Variants in GNB5 observed in about 807,000 individuals in gnomAD.
GNB5 encodes the protein guanine nucleotide-binding protein subunit beta-5.
GNB5 carries 37 observed loss-of-function variants against 55.3 expected under a neutral mutation model. The observed-to-expected ratio is 0.67, with a 90% confidence interval of 0.51 to 0.88. GNB5 has a LOEUF of 0.88. Ranked by LOEUF, GNB5 falls within the 40% of genes least tolerant of loss-of-function variation. The probability of loss-of-function intolerance (pLI) is 0.00; values close to 1 mark genes in which losing one functional copy is unlikely to be tolerated. For synonymous variants in GNB5, 219 were observed against 198.5 expected (o/e 1.10, Z -0.87); for missense variants, 476 against 515.3 (o/e 0.92, Z 0.74).
chr15:52,180,715 G>A (rs1039568653), intron 2 of GNB5: 2 of 152,320 alleles, frequency 1.3e-5, no homozygotes, highest in East Asian at 3.9e-4. Context: ...AGTTCTGCCA[G>A]GATGCACGTT....
intron 3 of GNB5, among the ~76,000 whole-genome samples, chr15:52,163,385 A>G (rs963904011): frequency 1.3e-5 from 2 of 152,206 alleles, no homozygotes; most frequent in African/African-American, 2.4e-5. Context: ...ACCGTCGTTC[A>G]GCGGGCCCCA....
At chr15:52,184,141 G>A (rs780226398) in intron 2 of GNB5, among the ~76,000 whole-genome samples, 9 of 152,120 alleles carry the variant, frequency 5.9e-5, no homozygotes, top group Non-Finnish European at 8.8e-5. Flanking sequence ...GAAGTCAGAA[G>A]AAAAAAGTAT....
rs112657560 is a variant in GNB5 at position 52,133,422 on chromosome 15, G to A, written c.819C>T (p.Cys273=). 96 of 1,612,966 alleles carry A rather than the reference G, an allele frequency of 6.0e-5. No individual in the cohort carries two copies. Among genetic ancestry groups the A allele is most frequent in the Non-Finnish European group, 7.2e-5 (85 of 1,178,904 alleles). ...ATTCATGTGTTTCAAAGGCCTGCAC[G>A]CACTGGCCGGAGCGCATGTCCCACA... is the stretch of plus-strand genomic sequence containing the variant. ...AMVWDMRSGQ[C]VQAFETHESD... Residue 273 remains cysteine (C), a synonymous_variant, in exon 9 of 13, where the codon TGC becomes TGT. Coordinates refer to ENST00000261837, the MANE Select transcript of GNB5 (RefSeq NM_016194.4).
In GNB5 at chr15:52,117,102, A is replaced by ATATATATATATTTTTTTTTTTTTTTT; in HGVS notation, c.*5654_*5655insAAAAAAAAAAAAAAAATATATATATA. The ATATATATATATTTTTTTTTTTTTTTT allele has an allele frequency of 2.3e-5, 2 of 87,100 alleles. No individual in the cohort carries two copies. The highest frequency in any genetic ancestry group is 1.2e-4 in the African/African-American group (2 of 16,446). The allele number at this position is 87,100 out of a possible 1,614,324, so 5.4% of individuals were successfully genotyped here. A position where few individuals can be genotyped will look rare whatever the true frequency, so the allele number is the denominator to read the frequency against. ...CCACGCCCAGCTAATATATATATAT[A>ATATATATATATTTTTTTTTTTTTTTT]TTTTTTTTTAGTACAGACAGGGTTT... On this transcript the variant is annotated 3_prime_UTR_variant, in exon 13 of 13. Coordinates refer to ENST00000261837, the MANE Select transcript of GNB5 (RefSeq NM_016194.4).
chr15:52,188,165 A>T (rs2034871844), intron 1 of GNB5, among the ~76,000 whole-genome samples: 1 of 152,170 alleles, frequency 6.6e-6, no homozygotes, highest in Non-Finnish European at 1.5e-5. Flanking sequence ...TTTCATCTTC[A>T]CGTCATTGCA....
In GNB5 at chr15:52,117,111, T is replaced by TTTTTTTTTTTTTTTTTTGG. The variant is rs2033164122; in HGVS notation, c.*5645_*5646insCCAAAAAAAAAAAAAAAAA. On this transcript the variant is annotated 3_prime_UTR_variant, in exon 13 of 13. Coordinates refer to ENST00000261837, the MANE Select transcript of GNB5 (RefSeq NM_016194.4). Reference sequence around the variant, plus strand: ...GCTAATATATATATATATTTTTTTTTAGTACAGACAGGGTTTCACCGTGTT... The same window carrying TTTTTTTTTTTTTTTTTTGG: ...GCTAATATATATATATATTTTTTTTTTTTTTTTTTTTTTTTTTGGAGTACAGACAGGGTTTCACCGTGTT... The TTTTTTTTTTTTTTTTTTGG allele has an allele frequency of 7.5e-6, 1 of 133,888 alleles. No homozygotes were observed. Among genetic ancestry groups the TTTTTTTTTTTTTTTTTTGG allele is most frequent in the African/African-American group, 3.0e-5 (1 of 32,882 alleles). The allele number at this position is 133,888 out of a possible 1,614,324, so 8.3% of individuals were successfully genotyped here. A position where few individuals can be genotyped will look rare whatever the true frequency, so the allele number is the denominator to read the frequency against.
chr15:52,167,955 C>G (rs564483870), intron 3 of GNB5, among the ~76,000 whole-genome samples: 10 of 152,232 alleles, frequency 6.6e-5, no homozygotes, highest in African/African-American at 2.4e-4. Context: ...ATTCAACATC[C>G]CTTCATGTTA....
rs747516031 is a variant in GNB5 at position 52,135,742 on chromosome 15, G to A, written c.642C>T (p.Ser214=). The A allele has an allele frequency of 5.0e-6, 8 of 1,612,134 alleles. No individual in the cohort carries two copies. In the African/African-American group the frequency reaches 5.4e-5, roughly 11 times the overall value. The change falls in exon 8 of 13, where the codon AGC becomes AGT. Residue 214 remains serine, a synonymous_variant. Transcript: ENST00000261837. ...TNSDMQILTA[S]GDGTCALWDV... ...CCCACAGGGCACATGTGCCATCGCC[G>A]CTCGCTGTCAGGATCTGCCCGCAGA...
intron 3 of GNB5, among the ~76,000 whole-genome samples, chr15:52,157,876 T>A (rs894120788): frequency 6.7e-6 from 1 of 150,368 alleles, no homozygotes; most frequent in African/African-American, 2.4e-5. Flanking sequence ...AAACAAATTT[T>A]AAAAATTAAA....
intron 3 of GNB5, among the ~76,000 whole-genome samples, chr15:52,171,809 A>G (rs932623867): frequency 1.3e-5 from 2 of 152,266 alleles, no homozygotes; most frequent in African/African-American, 4.8e-5. Context: ...ATTCAATAAT[A>G]AAACTTTTCA....
At chr15:52,173,583 T>C (rs147023109) in intron 3 of GNB5, among the ~76,000 whole-genome samples, 96 of 152,332 alleles carry the variant, frequency 6.3e-4, no homozygotes, top group African/African-American at 2.1e-3. Context: ...GAGCAAAGCA[T>C]AGACTGATCC....
chr15:52,172,176 C>T (rs7177248), intron 3 of GNB5, among the ~76,000 whole-genome samples: 38,546 of 152,050 alleles, frequency 0.25, 5,445 homozygotes, highest in African/African-American at 0.35. Flanking sequence ...TTCTGTCACA[C>T]AGGCTTGAGT....
intron 3 of GNB5, among the ~76,000 whole-genome samples, chr15:52,159,569 A>G (rs2034287520): frequency 6.6e-6 from 1 of 152,234 alleles, no homozygotes; most frequent in South Asian, 2.1e-4. Flanking sequence ...ATGCCAGTCC[A>G]GACCAAGGAA....
rs2033167628 is a variant in GNB5, at chr15:52,117,300, C to T, written c.*5457G>A. 1 of 151,694 alleles carries T rather than the reference C, an allele frequency of 6.6e-6. No homozygotes were observed. The highest frequency in any genetic ancestry group is 6.6e-5 in the Admixed American group (1 of 15,226). 9.4% of individuals were successfully genotyped at this position (151,694 alleles called of 1,614,324 possible). On this transcript the variant is annotated 3_prime_UTR_variant, in exon 13 of 13. Coordinates refer to ENST00000261837, the MANE Select transcript of GNB5 (RefSeq NM_016194.4). ...CAGCACACATATTCCTGTTGCAATG[C>T]CCTACTTTTGATTAAATATCTTTAG...
chr15:52,179,647 G>A, intron 3 of GNB5, 121 bp downstream of exon 3: 1 of 454,944 alleles, frequency 2.2e-6, no homozygotes, highest in Non-Finnish European at 3.3e-6. Context: ...CCTGCTCCCG[G>A]GCGGTGGCGC....
intron 11 of GNB5, 108 bp from the exon 12 acceptor site, chr15:52,124,747 G>C: frequency 4.4e-6 from 4 of 914,484 alleles, no homozygotes; most frequent in Non-Finnish European, 7.0e-6. Flanking sequence ...GGCGCACTGA[G>C]TCCTAGGCAC....
At chr15:52,147,681 G>A (rs2034005742) in intron 5 of GNB5, 146 bp from the exon 6 acceptor site, 1 of 429,266 alleles carries the variant, frequency 2.3e-6, no homozygotes, top group Admixed American at 4.2e-5. Context: ...CTGCCTCCGG[G>A]GTTCAAGCAA....
chr15:52,118,869 T>TACA lies in GNB5; in HGVS notation c.*3887_*3888insTGT, dbSNP rs2033196190. The TACA allele has an allele frequency of 1.1e-5, 1 of 93,306 alleles. No individual in the cohort carries two copies. Among genetic ancestry groups the TACA allele is most frequent in the East Asian group, 2.9e-4 (1 of 3,430 alleles). The allele number at this position is 93,306 out of a possible 1,614,324, so 5.8% of individuals were successfully genotyped here. A position where few individuals can be genotyped will look rare whatever the true frequency, so the allele number is the denominator to read the frequency against. On this transcript the variant is annotated 3_prime_UTR_variant, in exon 13 of 13. Transcript: ENST00000261837. ...TGGGCAACAAGAGCAAAACTCCACG[T>TACA]AAAAAAAAAAAAAAAAAAAAAGTGT...
intron 12 of GNB5, 60 bp downstream of exon 12, chr15:52,124,413 G>A: frequency 1.5e-6 from 2 of 1,366,366 alleles, no homozygotes; most frequent in Non-Finnish European, 2.0e-6. Context: ...TGCTTCAGAA[G>A]GCCTGTCACC....
Sources: allele counts gnomAD v4.1 joint callset (sites outside exome capture counted in the v4.1 genomes callset), GRCh38; gene constraint gnomAD v4.1.1; transcripts MANE v1.5; gene names NCBI Gene and HGNC (gene_info 2026-07-23, HGNC 2026-07-21).